CHD5: variants seen among roughly 807,000 people sequenced by gnomAD.
CHD5 encodes the protein chromodomain helicase DNA binding protein 5.
A neutral mutation model predicts 230.3 loss-of-function variants in CHD5; 69 were observed. The ratio of observed to expected loss-of-function variants is 0.30; its 90% CI spans 0.25 to 0.37. The LOEUF (loss-of-function observed/expected upper bound fraction) is 0.37, where lower values mean the gene tolerates loss of function less well. CHD5 is among the 10% of genes least tolerant of loss of function. The pLI is 1.00. For missense variants in CHD5, 1,827 were observed against 2,622.8 expected, an observed-to-expected ratio of 0.70 and a Z score of 6.63; for synonymous variants, 1,064 against 1,065.9, an observed-to-expected ratio of 1.00 and a Z score of 0.03.
Position 6,125,880 on chromosome 1 carries a change from G to A in CHD5, c.4079-22C>T, listed in dbSNP as rs368158789. 10 of 1,580,328 alleles carry A rather than the reference G, an allele frequency of 6.3e-6. No homozygotes were observed. The East Asian group carries it at 1.1e-4, about 18-fold the overall frequency. On this transcript the variant is annotated intron_variant, in intron 26 of 41. Coordinates refer to ENST00000262450, the MANE Select transcript of CHD5 (RefSeq NM_015557.3). This position sits in a 1 kb window ranked among gnomAD's most constrained non-coding sequence, Gnocchi z 6.7. ...CACTCTGCAGGGGGCCAGACAGAGGGGCACGGAGTGAGCTGTACAAGCAAA... is the reference window on the plus strand; with the variant it reads ...CACTCTGCAGGGGGCCAGACAGAGGAGCACGGAGTGAGCTGTACAAGCAAA...
rs998267436 is a variant in CHD5, at chr1:6,121,979, G to A, written c.4700-406C>T. ...GAATTTCCTCCCTGCCAAGCCAGCC[G>A]CCAACACACTGCAAAGTGCTGGTCA... is the stretch of plus-strand genomic sequence containing the variant. On this transcript the variant is annotated intron_variant, in intron 31 of 41. Coordinates refer to ENST00000262450, the MANE Select transcript of CHD5 (RefSeq NM_015557.3). The surrounding 1 kb of genome is among the most constrained non-coding windows in gnomAD (Gnocchi z 4.5). Among the ~76,000 whole-genome samples the A allele has an allele frequency of 6.6e-6, 1 of 152,210 alleles. No homozygotes were observed. Among genetic ancestry groups the A allele is most frequent in the African/African-American group, 2.4e-5 (1 of 41,454 alleles).
At position 6,134,367 on chromosome 1, in the gene CHD5, C is replaced by A; in HGVS notation, c.3013-108G>T. 1 of 1,320,196 alleles carries A rather than the reference C, an allele frequency of 7.6e-7. No individual in the cohort carries two copies. Among genetic ancestry groups the A allele is most frequent in the South Asian group, 1.3e-5 (1 of 76,708 alleles). The allele number at this position is 1,320,196 out of a possible 1,614,324, so 81.8% of individuals were successfully genotyped here. Reference sequence around the variant, plus strand: ...CAAGTGCTGAGCAATGGGGTGATGGCCTGTCTGCCCACTGAACATGAGACC... The same window carrying A: ...CAAGTGCTGAGCAATGGGGTGATGGACTGTCTGCCCACTGAACATGAGACC... On this transcript the variant is annotated intron_variant, in intron 19 of 41. Transcript: ENST00000262450. The surrounding 1 kb of genome is among the most constrained non-coding windows in gnomAD (Gnocchi z 6.3).
At chr1:6,149,520 G>A (rs570737827) in intron 7 of CHD5, 108 bp from the exon 8 acceptor site, 2 of 1,137,908 alleles carry the variant, frequency 1.8e-6, no homozygotes, top group South Asian at 4.1e-5. Context: ...CTAATAGAGG[G>A]TGGATGGAAA....
Position 6,134,113 on chromosome 1 carries a change from G to GC in CHD5, c.3144+14dup. 17 of 1,304,198 alleles carry GC rather than the reference G, an allele frequency of 1.3e-5. No individual in the cohort carries two copies. The highest frequency in any genetic ancestry group is 2.6e-5 in the East Asian group (1 of 38,530). 80.8% of individuals were successfully genotyped at this position (1,304,198 alleles called of 1,614,324 possible). ...GGGTGTGGAGCCGGGGCGGGGGTGG[G>GC]CAGGGGCAGCGCACCTGGGAGAAGA... On this transcript the variant is annotated intron_variant, in intron 20 of 41. Transcript: ENST00000262450. This position sits in a 1 kb window ranked among gnomAD's most constrained non-coding sequence, Gnocchi z 6.3.
chr1:6,132,563 T>C (rs1012790264), intron 20 of CHD5, among the ~76,000 whole-genome samples: 7 of 152,236 alleles, frequency 4.6e-5, no homozygotes, highest in Admixed American at 2.0e-4. Context: ...GCAACTCCAA[T>C]TGGATGATTG....
intron 38 of CHD5, among the ~76,000 whole-genome samples, chr1:6,107,001 T>TC (rs1666185224): frequency 1.5e-5 from 1 of 65,246 alleles, no homozygotes; most frequent in Non-Finnish European, 2.9e-5. Context: ...GATGGAGGGA[T>TC]GATGGAGGGA....
rs182773873 is a variant in CHD5, at chr1:6,127,573, C to T, written c.3903+473G>A. On this transcript the variant is annotated intron_variant, in intron 25 of 41. Coordinates refer to ENST00000262450, the MANE Select transcript of CHD5 (RefSeq NM_015557.3). Reference sequence around the variant, plus strand: ...CGAGATGCAGGCCCTGAGGAAGGGGCGGGAGGGTGCAGCTGGGTAGGGACT... The same window carrying T: ...CGAGATGCAGGCCCTGAGGAAGGGGTGGGAGGGTGCAGCTGGGTAGGGACT... Among the ~76,000 whole-genome samples the T allele has an allele frequency of 3.3e-3, 497 of 151,760 alleles. 5 individuals carry two copies. Among genetic ancestry groups the T allele is most frequent in the African/African-American group, 0.011 (473 of 41,366 alleles).
chr1:6,108,173 G>T (rs976885005), intron 38 of CHD5, among the ~76,000 whole-genome samples: 7 of 144,672 alleles, frequency 4.8e-5, no homozygotes, highest in Non-Finnish European at 9.1e-5. Flanking sequence ...AAGATGGAGG[G>T]ATGATGGAGG....
At position 6,104,015 on chromosome 1, in the gene CHD5, A is replaced by T. The variant is rs918865281; in HGVS notation, c.*1459T>A. The T allele has an allele frequency of 3.6e-4, 54 of 151,912 alleles. No homozygotes were observed. The highest frequency in any genetic ancestry group is 1.3e-3 in the African/African-American group (54 of 41,302). 9.4% of individuals were successfully genotyped at this position (151,912 alleles called of 1,614,324 possible). A position where few individuals can be genotyped will look rare whatever the true frequency, so the allele number is the denominator to read the frequency against. ...GTTTTTCACGCAGCCCTTTCCTAAC[A>T]TTCCCAGGATTCTGCACCCCAAGGC... On this transcript the variant is annotated 3_prime_UTR_variant, in exon 42 of 42. Coordinates refer to ENST00000262450, the MANE Select transcript of CHD5 (RefSeq NM_015557.3).
At position 6,125,489 on chromosome 1, in the gene CHD5, G is replaced by A. The variant is rs1349205510; in HGVS notation, c.4260+35C>T. 4.5e-6 allele frequency: 7 copies of A among 1,548,186 alleles called. 1 individual carries two copies. Among genetic ancestry groups the A allele is most frequent in the Non-Finnish European group, 5.3e-6 (6 of 1,142,604 alleles). On this transcript the variant is annotated intron_variant, in intron 28 of 41. Coordinates refer to ENST00000262450, the MANE Select transcript of CHD5 (RefSeq NM_015557.3). The surrounding 1 kb of genome is among the most constrained non-coding windows in gnomAD (Gnocchi z 6.7). ...ATACCCCAGGGGCAGCAGGAAGCAG[G>A]GGCAGAAAGAGATGCGGGAACAGAC...
At chr1:6,113,814 C>T (rs1049079703) in intron 33 of CHD5, among the ~76,000 whole-genome samples, 2 of 152,174 alleles carry the variant, frequency 1.3e-5, no homozygotes, top group African/African-American at 4.8e-5. Context: ...GGGATATGAA[C>T]TGGACCACCC....
chr1:6,179,898 C>CGGCGCCCCCGCCGCTCTGGCCCCA, intron 1 of CHD5, 47 bp downstream of exon 1: 1 of 1,119,072 alleles, frequency 8.9e-7, no homozygotes, highest in Non-Finnish European at 1.1e-6. Context: ...CGGCCCGTCT[C>CGGCGCCCCCGCCGCTCTGGCCCCA]GGCGCCCCCG....
At chr1:6,143,191 C>T (rs980174865) in intron 13 of CHD5, among the ~76,000 whole-genome samples, 8 of 152,048 alleles carry the variant, frequency 5.3e-5, no homozygotes, top group African/African-American at 1.9e-4. Flanking sequence ...TAGCTGGGAC[C>T]ACAGGCACAC....
intron 13 of CHD5, 24 bp downstream of exon 13, chr1:6,143,799 T>C (rs368891222): frequency 4.0e-6 from 3 of 745,728 alleles, no homozygotes; most frequent in Non-Finnish European, 4.6e-6. Flanking sequence ...CCCCACCCAC[T>C]GCTGCCCCAC....
intron 9 of CHD5, 64 bp downstream of exon 9, chr1:6,148,789 CT>C (rs1666951189): frequency 7.7e-7 from 1 of 1,303,886 alleles, no homozygotes; most frequent in African/African-American, 1.7e-5. Flanking sequence ...AGGCCTTCCC[CT>C]GGGGGCGGGG....
chr1:6,173,849 G>A (rs765395382), intron 1 of CHD5, among the ~76,000 whole-genome samples: 7 of 152,196 alleles, frequency 4.6e-5, no homozygotes, highest in Non-Finnish European at 7.3e-5. Context: ...CCATGAGACA[G>A]GGCTTATGCT....
Position 6,160,131 on chromosome 1 carries a change from G to GAGA in CHD5, c.208-617_208-616insTCT, listed in dbSNP as rs1225841108. ...CAGGGAAGGGCCCCAGCCAGGGAAGGGCCCCAGCCAGGGAAGGGCCCCAGC... is the reference window on the plus strand; with the variant it reads ...CAGGGAAGGGCCCCAGCCAGGGAAGGAGAGCCCCAGCCAGGGAAGGGCCCCAGC... On this transcript the variant is annotated intron_variant, in intron 2 of 41. Transcript: ENST00000262450. 1.0e-4 allele frequency among the ~76,000 whole-genome samples: 11 copies of GAGA among 105,916 alleles called. No individual in the cohort carries two copies. The South Asian group carries it at 1.1e-3, about 10-fold the overall frequency. 69.5% of individuals were successfully genotyped at this position (105,916 alleles called of 152,430 possible). A position where few individuals can be genotyped will look rare whatever the true frequency, so the allele number is the denominator to read the frequency against.
intron 38 of CHD5, among the ~76,000 whole-genome samples, chr1:6,107,629 C>T (rs867442395): frequency 0.016 from 739 of 45,366 alleles, 7 homozygotes; most frequent in African/African-American, 0.059. Context: ...AGGGATGAAG[C>T]GATGATGGAG....
intron 35 of CHD5, 96 bp from the exon 36 acceptor site, chr1:6,111,979 T>A (rs1187781862): frequency 7.2e-7 from 1 of 1,385,330 alleles, no homozygotes; most frequent in Non-Finnish European, 1.0e-6. Context: ...TGCCACTGCC[T>A]CCACCCCCAG....
Sources: allele counts gnomAD v4.1 joint callset (sites outside exome capture counted in the v4.1 genomes callset), GRCh38; gene constraint gnomAD v4.1.1; non-coding constraint Gnocchi (gnomAD v3.1); transcripts MANE v1.5; gene names NCBI Gene and HGNC (gene_info 2026-07-23, HGNC 2026-07-21).